The following PCLO variants were observed in gnomAD, a reference collection of about 807,000 sequenced individuals.
The protein encoded by PCLO is protein piccolo.
A neutral mutation model predicts 427.5 loss-of-function variants in PCLO; 82 were observed. The observed-to-expected ratio is 0.19, with a 90% CI of 0.16 to 0.23. The LOEUF is 0.23. PCLO is among the 10% of genes least tolerant of loss of function. The pLI is 1.00. For missense variants in PCLO, 6,239 were observed against 6,115.9 expected (o/e 1.02, Z -0.67); for synonymous variants, 2,357 against 2,155.4 (o/e 1.09, Z -2.59).
At chr7:83,000,296 AGAG>A (rs1206491834) in intron 3 of PCLO, among the ~76,000 whole-genome samples, 23 of 25,308 alleles carry the variant, frequency 9.1e-4, no homozygotes, top group African/African-American at 2.1e-3. Context: ...AGAGAGAGAG[AGAG>A]AGAGAGAAAA....
chr7:82,930,307 C>G (rs1235888374), intron 6 of PCLO, among the ~76,000 whole-genome samples: 1 of 152,048 alleles, frequency 6.6e-6, no homozygotes, highest in Admixed American at 6.6e-5. Flanking sequence ...GAGGGAGAAA[C>G]AGCATTAGGA....
chr7:82,876,933 C>T (rs1001345279), intron 10 of PCLO, among the ~76,000 whole-genome samples: 3 of 151,864 alleles, frequency 2.0e-5, no homozygotes, highest in Non-Finnish European at 2.9e-5. Context: ...TTTGAGAGAA[C>T]GAATAAATAA....
At chr7:83,033,341 A>C (rs1455482199) in intron 3 of PCLO, among the ~76,000 whole-genome samples, 1 of 152,220 alleles carries the variant, frequency 6.6e-6, no homozygotes, top group Non-Finnish European at 1.5e-5. Flanking sequence ...TAGTTATATT[A>C]CCTAGTAGAT....
chr7:83,058,788 TAAC>T (rs1257174223), intron 3 of PCLO, among the ~76,000 whole-genome samples: 1 of 152,078 alleles, frequency 6.6e-6, no homozygotes, highest in Non-Finnish European at 1.5e-5. Flanking sequence ...CTCACCCTCT[TAAC>T]AACTATGCAA....
At chr7:82,932,913 C>G (rs866566116) in intron 6 of PCLO, among the ~76,000 whole-genome samples, 1 of 151,974 alleles carries the variant, frequency 6.6e-6, no homozygotes, top group South Asian at 2.1e-4. Flanking sequence ...GCTCATTGGC[C>G]TTTCCCATCT....
At chr7:82,854,365 T>A (rs1231786744) in intron 10 of PCLO, among the ~76,000 whole-genome samples, 1 of 152,282 alleles carries the variant, frequency 6.6e-6, no homozygotes, top group Non-Finnish European at 1.5e-5. Context: ...AACCCAAAGT[T>A]GATTTAAATG....
chr7:83,007,434 G>A (rs17157020), intron 3 of PCLO, among the ~76,000 whole-genome samples: 83,372 of 150,950 alleles, frequency 0.55, 23,608 homozygotes, highest in East Asian at 0.86. Flanking sequence ...ATCATAACTA[G>A]ACAAATAATG....
rs941755179 is a variant in PCLO at position 83,139,537 on chromosome 7, A to C, written c.1894-3881T>G. Among the ~76,000 whole-genome samples the C allele has an allele frequency of 2.0e-5, 3 of 152,204 alleles. No individual in the cohort carries two copies. In the East Asian group the frequency reaches 5.8e-4, roughly 29 times the overall value. ...AAAATCAAATGATTCACTGTGGTTT[A>C]TAAATGTACATGGATATATCTCTAC... On this transcript the variant is annotated intron_variant, in intron 2 of 24. Coordinates refer to ENST00000333891, the MANE Select transcript of PCLO (RefSeq NM_033026.6).
At chr7:82,829,312 T>C (rs1189780764) in intron 16 of PCLO, among the ~76,000 whole-genome samples, 1 of 152,160 alleles carries the variant, frequency 6.6e-6, no homozygotes, top group Non-Finnish European at 1.5e-5. Context: ...CCCACTTCCC[T>C]CTTGCCCCTG....
chr7:82,994,754 G>C (rs1456132196), intron 3 of PCLO, among the ~76,000 whole-genome samples: 10 of 152,004 alleles, frequency 6.6e-5, no homozygotes, highest in African/African-American at 2.2e-4. Flanking sequence ...GTGAAAAATG[G>C]ATTGGAGTGA....
intron 3 of PCLO, among the ~76,000 whole-genome samples, chr7:83,021,606 C>G (rs913440274): frequency 5.3e-5 from 8 of 152,086 alleles, no homozygotes; most frequent in Non-Finnish European, 8.8e-5. Context: ...TCCTTTCTCC[C>G]ATGTGCATTT....
chr7:82,875,664 G>A (rs1793352011), intron 10 of PCLO, among the ~76,000 whole-genome samples: 1 of 152,014 alleles, frequency 6.6e-6, no homozygotes, highest in African/African-American at 2.4e-5. Flanking sequence ...TGCTGCAAAA[G>A]TGTTAAAATG....
chr7:82,792,329 T>A (rs1360993308), intron 22 of PCLO, among the ~76,000 whole-genome samples: 1 of 151,984 alleles, frequency 6.6e-6, no homozygotes, highest in Non-Finnish European at 1.5e-5. Flanking sequence ...AATAATTTTA[T>A]GGCTCTTTTT....
intron 9 of PCLO, among the ~76,000 whole-genome samples, chr7:82,894,629 T>C (rs993724906): frequency 6.6e-6 from 1 of 151,968 alleles, no homozygotes; most frequent in African/African-American, 2.4e-5. Flanking sequence ...AAGATGACAT[T>C]TGGGTAGGGA....
chr7:82,823,772 T>C (rs982811664), intron 19 of PCLO, among the ~76,000 whole-genome samples: 6 of 152,128 alleles, frequency 3.9e-5, no homozygotes, highest in Non-Finnish European at 5.9e-5. Flanking sequence ...GTATGATAAA[T>C]AAAAAGTAGC....
At position 82,950,682 on chromosome 7, in the gene PCLO, C is replaced by G. The variant is rs544371610; in HGVS notation, c.9906G>C (p.Gln3302His). 3 of 1,613,818 alleles carry G rather than the reference C, an allele frequency of 1.9e-6. No individual in the cohort carries two copies. The highest frequency in any genetic ancestry group is 1.7e-5 in the Admixed American group (1 of 59,998). Residue 3302 changes from glutamine to histidine, a missense_variant, in exon 6 of 25, where the codon CAG (glutamine) becomes CAC (histidine). Physicochemically the swap from Gln to His is conservative, Grantham distance 24. Around this residue, in one of 5 missense-constraint regions of PCLO, gnomAD observed 4,677 missense variants for 4,468.4 expected, o/e 1.05. Transcript: ENST00000333891. ...TTTGCTCCTCCAGCTGCTGGTGAAG[C>G]TGTTGTTGCAGCTGTTGGATCTGCT... The part of the protein sequence containing the change: ...QLEQIQQLQQ[Q>H]LHQQLEEQKI...
intron 3 of PCLO, among the ~76,000 whole-genome samples, chr7:83,059,930 A>G (rs1478809965): frequency 6.6e-6 from 1 of 152,198 alleles, no homozygotes; most frequent in Non-Finnish European, 1.5e-5. Context: ...AGATGACTGT[A>G]GCATTTTTTG....
intron 6 of PCLO, among the ~76,000 whole-genome samples, chr7:82,946,518 A>G (rs1795207731): frequency 6.6e-6 from 1 of 152,198 alleles, no homozygotes; most frequent in South Asian, 2.1e-4. Context: ...ACAAATTAAG[A>G]AAAGTCTCTC....
intron 6 of PCLO, among the ~76,000 whole-genome samples, chr7:82,925,476 A>G (rs1225763645): frequency 6.6e-6 from 1 of 152,088 alleles, no homozygotes; most frequent in East Asian, 1.9e-4. Context: ...AAACAGCAAT[A>G]CACCTTCTAG....
Sources: allele counts gnomAD v4.1 joint callset (sites outside exome capture counted in the v4.1 genomes callset), GRCh38; gene constraint gnomAD v4.1.1; regional missense constraint gnomAD v4.1.1; transcripts MANE v1.5; gene names NCBI Gene and HGNC (gene_info 2026-07-23, HGNC 2026-07-21).